PDE4D: variants seen among roughly 807,000 people sequenced by gnomAD.
PDE4D encodes the protein 3',5'-cyclic-AMP phosphodiesterase 4D.
In PDE4D, 24 loss-of-function variants were observed where a neutral mutation model predicts 87.4. The observed-to-expected ratio is 0.27, with a 90% CI of 0.20 to 0.39. The LOEUF is 0.39. Ranked by LOEUF, PDE4D falls within the 10% of genes least tolerant of loss-of-function variation. PDE4D has a pLI of 1.00. For synonymous variants in PDE4D, 384 were observed against 383.2 expected, an observed-to-expected ratio of 1.00 and a Z score of -0.02; for missense variants, 714 against 1,041.0, an observed-to-expected ratio of 0.69 and a Z score of 4.32.
In PDE4D at chr5:60,109,552, A is replaced by G. The variant is rs1407687835; in HGVS notation, c.42+76005T>C. Among the ~76,000 whole-genome samples the G allele has an allele frequency of 2.6e-5, 4 of 151,962 alleles. No homozygotes were observed. In the East Asian group the frequency reaches 7.7e-4, roughly 29 times the overall value. ...CTATAAATCATGCTGCTATAAAGAC[A>G]CATGCACACGTATGTTTATTGTGGC... On this transcript the variant is annotated intron_variant, in intron 2 of 16. Transcript: ENST00000502484.
chr5:60,423,357 A>G (rs555698761), intron 1 of PDE4D, among the ~76,000 whole-genome samples: 13 of 152,322 alleles, frequency 8.5e-5, no homozygotes, highest in South Asian at 2.1e-4. Flanking sequence ...TCAGACCACA[A>G]TGCAATCAAA....
intron 2 of PDE4D, among the ~76,000 whole-genome samples, chr5:59,203,036 C>T (rs148725653): frequency 6.6e-6 from 1 of 151,612 alleles, no homozygotes; most frequent in Admixed American, 6.6e-5. Flanking sequence ...GGGCAAAAAA[C>T]CTGAATAGGT....
chr5:59,824,904 C>A (rs1770139291), intron 1 of PDE4D, among the ~76,000 whole-genome samples: 1 of 152,182 alleles, frequency 6.6e-6, no homozygotes, highest in Non-Finnish European at 1.5e-5. Flanking sequence ...TATATTACAG[C>A]ATTATACCTG....
chr5:60,503,889 A>G (rs1196061949), intron 1 of PDE4D, among the ~76,000 whole-genome samples: 1 of 152,162 alleles, frequency 6.6e-6, no homozygotes, highest in African/African-American at 2.4e-5. Flanking sequence ...CAAAGATATG[A>G]AAGATGTGTT....
intron 1 of PDE4D, among the ~76,000 whole-genome samples, chr5:60,242,903 C>T (rs1053095709): frequency 6.6e-6 from 1 of 151,390 alleles, no homozygotes; most frequent in African/African-American, 2.4e-5. Context: ...ATAAAAAAAC[C>T]CAATAGTGTG....
intron 1 of PDE4D, among the ~76,000 whole-genome samples, chr5:59,404,366 A>C (rs1791226992): frequency 6.6e-6 from 1 of 152,168 alleles, no homozygotes; most frequent in Non-Finnish European, 1.5e-5. Context: ...TACTCAAAAA[A>C]TCTTTGCTCA....
chr5:59,742,730 G>C (rs1170774695), intron 1 of PDE4D, among the ~76,000 whole-genome samples: 1 of 152,048 alleles, frequency 6.6e-6, no homozygotes, highest in East Asian at 1.9e-4. Flanking sequence ...CCTTATCTGG[G>C]AATTCTGTTA....
intron 1 of PDE4D, among the ~76,000 whole-genome samples, chr5:59,230,846 G>T (rs555274383): frequency 6.6e-6 from 1 of 152,136 alleles, no homozygotes; most frequent in South Asian, 2.1e-4. Context: ...AATGAATGGC[G>T]AAGGGCTTCA....
intron 1 of PDE4D, among the ~76,000 whole-genome samples, chr5:60,291,141 A>T (rs1418360679): frequency 2.6e-5 from 4 of 152,204 alleles, no homozygotes; most frequent in Non-Finnish European, 5.9e-5. Flanking sequence ...CTTGACATGG[A>T]TACAAACCAT....
intron 1 of PDE4D, among the ~76,000 whole-genome samples, chr5:60,496,563 G>T (rs1046428577): frequency 1.3e-4 from 20 of 151,926 alleles, no homozygotes; most frequent in African/African-American, 4.8e-4. Flanking sequence ...ACAGCTGTTT[G>T]TACTCACATA....
At chr5:59,659,906 C>T (rs992472354) in intron 1 of PDE4D, among the ~76,000 whole-genome samples, 7 of 152,000 alleles carry the variant, frequency 4.6e-5, no homozygotes, top group Admixed American at 1.3e-4. Flanking sequence ...TGAAGTAGGC[C>T]GGGCATGGTA....
intron 11 of PDE4D, among the ~76,000 whole-genome samples, chr5:58,986,909 T>C (rs1023105615): frequency 3.9e-5 from 6 of 152,058 alleles, no homozygotes; most frequent in African/African-American, 1.4e-4. Context: ...TAATATGCTA[T>C]ATAACAGAAT....
intron 1 of PDE4D, among the ~76,000 whole-genome samples, chr5:59,233,050 G>A (rs1353409733): frequency 2.0e-5 from 3 of 152,080 alleles, no homozygotes; most frequent in Non-Finnish European, 4.4e-5. Context: ...AGAGAGGTTG[G>A]CTAACGTATG....
chr5:59,429,961 A>G (rs1321038555), intron 1 of PDE4D, among the ~76,000 whole-genome samples: 2 of 152,164 alleles, frequency 1.3e-5, no homozygotes, highest in African/African-American at 4.8e-5. Flanking sequence ...TCTGGTATAA[A>G]CAGCCATATA....
At chr5:59,838,224 A>G (rs999332530) in intron 1 of PDE4D, among the ~76,000 whole-genome samples, 1 of 152,020 alleles carries the variant, frequency 6.6e-6, no homozygotes, top group African/African-American at 2.4e-5. Context: ...ATCTTCACCC[A>G]AGGCATCCCC....
chr5:59,204,099 A>G (rs1410214684), intron 2 of PDE4D, among the ~76,000 whole-genome samples: 1 of 152,152 alleles, frequency 6.6e-6, no homozygotes, highest in African/African-American at 2.4e-5. Context: ...ATATATCAAA[A>G]TATTACCTTG....
chr5:59,804,246 T>G (rs1426876120), intron 1 of PDE4D, among the ~76,000 whole-genome samples: 1 of 152,182 alleles, frequency 6.6e-6, no homozygotes, highest in Non-Finnish European at 1.5e-5. Flanking sequence ...AGCGCTTAGC[T>G]CCCACTTGTA....
At chr5:59,924,429 A>T (rs1412691640) in intron 3 of PDE4D, among the ~76,000 whole-genome samples, 1 of 152,172 alleles carries the variant, frequency 6.6e-6, no homozygotes, top group Non-Finnish European at 1.5e-5. Flanking sequence ...ACCTCAAGGC[A>T]TTTAATAATC....
At chr5:60,464,573 G>A (rs957876109) in intron 1 of PDE4D, among the ~76,000 whole-genome samples, 1 of 152,144 alleles carries the variant, frequency 6.6e-6, no homozygotes, top group African/African-American at 2.4e-5. Flanking sequence ...TGCACTGATT[G>A]TTGCTTCCCC....
Sources: gnomAD v4.1 joint callset for allele counts (sites outside exome capture counted in the v4.1 genomes callset) on GRCh38, gnomAD v4.1.1 for gene constraint, MANE v1.5 for transcripts, NCBI Gene and HGNC (gene_info 2026-07-23, HGNC 2026-07-21) for gene names.